The following ZNF292 variants were observed in gnomAD, a reference collection of about 807,000 sequenced individuals.
ZNF292 encodes the protein 16 zinc-finger domain protein.
Under a neutral mutation model 217.9 loss-of-function variants are expected in ZNF292, and 26 were observed. That is an observed-to-expected ratio of 0.12 (90% CI 0.09 to 0.17). The LOEUF (loss-of-function observed/expected upper bound fraction) is 0.17. Among genes scored for constraint, ZNF292 ranks in the 10% least tolerant of loss-of-function variants. The pLI, the probability that ZNF292 is intolerant of heterozygous loss-of-function variation, is 1.00. For missense variants in ZNF292, 2,904 were observed against 3,175.2 expected, an observed-to-expected ratio of 0.91 and a Z score of 2.05; for synonymous variants, 1,257 against 1,124.1, an observed-to-expected ratio of 1.12 and a Z score of -2.37.
chr6:87,234,713 T>A (rs970529075), intron 5 of ZNF292, among the ~76,000 whole-genome samples: 1 of 151,984 alleles, frequency 6.6e-6, no homozygotes, highest in Non-Finnish European at 1.5e-5. Context: ...AGGTAAAACA[T>A]AAGGATATGT....
Position 87,256,913 on chromosome 6 carries a change from T to C in ZNF292, c.3284T>C (p.Val1095Ala). ...GTPSVPPKAP[V>A]QKFSCQVEGC... ...CCATCAGTGCCTCCAAAAGCTCCAG[T>C]TCAGAAATTCAGCTGCCAGGTCGAG... The change falls in exon 8 of 8, where the codon GTT becomes GCT. Residue 1095 changes from valine to alanine, a missense_variant. Transcript: ENST00000369577. 1 of 1,613,824 alleles carries C rather than the reference T, an allele frequency of 6.2e-7. No individual in the cohort carries two copies. The highest frequency in any genetic ancestry group is 8.5e-7 in the Non-Finnish European group (1 of 1,179,828).
At chr6:87,242,762 A>G (rs532881161) in intron 5 of ZNF292, among the ~76,000 whole-genome samples, 4 of 152,308 alleles carry the variant, frequency 2.6e-5, no homozygotes, top group Non-Finnish European at 5.9e-5. Context: ...ATAGTACATC[A>G]TTGTAATGAG....
At chr6:87,188,638 T>C (rs1046584798) in intron 1 of ZNF292, among the ~76,000 whole-genome samples, 1 of 152,112 alleles carries the variant, frequency 6.6e-6, no homozygotes, top group Non-Finnish European at 1.5e-5. Context: ...TACAAAATGC[T>C]TATGTTGAAA....
Position 87,261,764 on chromosome 6 carries a change from T to G in ZNF292, c.8135T>G (p.Ile2712Ser). 6.2e-7 allele frequency: 1 copy of G among 1,612,642 alleles called. No homozygotes were observed. The highest frequency in any genetic ancestry group is 1.7e-5 in the Admixed American group (1 of 59,900). ...CCAGATATGTCTGTTATGAAAGATATCAGTATAGGTAAAGCCACAGGCAGA... is the reference window on the plus strand; with the variant it reads ...CCAGATATGTCTGTTATGAAAGATAGCAGTATAGGTAAAGCCACAGGCAGA... Reference protein sequence around the residue: ...NDPDMSVMKDISIGKATGRGQ... With the variant: ...NDPDMSVMKDSSIGKATGRGQ... Residue 2712 changes from isoleucine to serine, a missense_variant, in exon 8 of 8, where the codon ATC becomes AGC. Ile to Ser is a moderately radical substitution (Grantham distance 142, BLOSUM62 -2). Transcript: ENST00000369577.
chr6:87,232,618 G>T (rs531111592), intron 4 of ZNF292, among the ~76,000 whole-genome samples: 2 of 151,912 alleles, frequency 1.3e-5, no homozygotes, highest in African/African-American at 4.8e-5. Flanking sequence ...AAGCACTAGG[G>T]GATAGTCAGA....
At chr6:87,225,498 C>T (rs1316741056) in intron 4 of ZNF292, among the ~76,000 whole-genome samples, 1 of 152,068 alleles carries the variant, frequency 6.6e-6, no homozygotes, top group Non-Finnish European at 1.5e-5. Flanking sequence ...TATAGTTTCA[C>T]ATTTTACATA....
chr6:87,194,553 G>T (rs1265742968), intron 1 of ZNF292, among the ~76,000 whole-genome samples: 1 of 152,112 alleles, frequency 6.6e-6, no homozygotes, highest in East Asian at 1.9e-4. Flanking sequence ...TAAGTTTGCT[G>T]CTCTGTAGCA....
At chr6:87,208,598 T>C (rs1582421664) in intron 1 of ZNF292, among the ~76,000 whole-genome samples, 2 of 23,794 alleles carry the variant, frequency 8.4e-5, no homozygotes, top group South Asian at 2.6e-3. Context: ...TCAAAGTTGC[T>C]TTTTTTTTCC....
chr6:87,156,494 T>C (rs1035568694), intron 1 of ZNF292, among the ~76,000 whole-genome samples: 3 of 152,212 alleles, frequency 2.0e-5, no homozygotes, highest in African/African-American at 7.2e-5. Flanking sequence ...TTGAGTGTCC[T>C]TTTGGGGCGG....
At chr6:87,202,669 C>G (rs888996074) in intron 1 of ZNF292, among the ~76,000 whole-genome samples, 2 of 152,128 alleles carry the variant, frequency 1.3e-5, no homozygotes, top group African/African-American at 4.8e-5. Flanking sequence ...AGCTTTCCTT[C>G]TGTTCCTTGT....
intron 5 of ZNF292, among the ~76,000 whole-genome samples, chr6:87,236,248 T>G (rs1582471394): frequency 6.6e-6 from 1 of 152,318 alleles, no homozygotes; most frequent in East Asian, 1.9e-4. Flanking sequence ...GGAACAGACT[T>G]TGTTAGAAGG....
chr6:87,216,975 T>C (rs80029406), intron 3 of ZNF292, among the ~76,000 whole-genome samples: 67 of 152,156 alleles, frequency 4.4e-4, no homozygotes, highest in Non-Finnish European at 8.3e-4. Context: ...TTAGTAGTCT[T>C]GAAGTTTTTT....
intron 1 of ZNF292, among the ~76,000 whole-genome samples, chr6:87,184,564 A>G (rs1771579928): frequency 6.6e-6 from 1 of 150,942 alleles, no homozygotes; most frequent in Non-Finnish European, 1.5e-5. Flanking sequence ...GGCTTCTCCA[A>G]TACTAGGTCT....
intron 4 of ZNF292, among the ~76,000 whole-genome samples, chr6:87,220,377 G>T (rs1158180746): frequency 1.3e-5 from 2 of 152,104 alleles, no homozygotes; most frequent in Non-Finnish European, 2.9e-5. Context: ...CTTTGAAAAA[G>T]ATAGGATCCT....
chr6:87,184,527 T>G (rs1297175903), intron 1 of ZNF292, among the ~76,000 whole-genome samples: 1 of 150,946 alleles, frequency 6.6e-6, no homozygotes, highest in African/African-American at 2.4e-5. Context: ...CATTGTGTTG[T>G]AAGGAATACA....
At chr6:87,234,585 G>T (rs1179590586) in intron 5 of ZNF292, among the ~76,000 whole-genome samples, 1 of 151,528 alleles carries the variant, frequency 6.6e-6, no homozygotes, top group Non-Finnish European at 1.5e-5. Flanking sequence ...TTTTTTTAAA[G>T]AAAACCTATA....
At chr6:87,197,616 A>G (rs1562134509) in intron 1 of ZNF292, among the ~76,000 whole-genome samples, 1 of 150,702 alleles carries the variant, frequency 6.6e-6, no homozygotes, top group Non-Finnish European at 1.5e-5. Flanking sequence ...AGATGCCTGT[A>G]AGCCTAGCTG....
intron 1 of ZNF292, among the ~76,000 whole-genome samples, chr6:87,166,987 A>G (rs1178876334): frequency 2.0e-5 from 3 of 152,214 alleles, no homozygotes; most frequent in Non-Finnish European, 4.4e-5. Flanking sequence ...ATCCAGGTTC[A>G]AATTAAGTAT....
At position 87,188,394 on chromosome 6, in the gene ZNF292, C is replaced by A. The variant is rs543469676; in HGVS notation, c.169-27509C>A. On this transcript the variant is annotated intron_variant, in intron 1 of 7. Coordinates refer to ENST00000369577, the MANE Select transcript of ZNF292 (RefSeq NM_015021.3). ...CCCAACTGACAGATAATGTAGAAATCCCTTACTGTCTTCCTGGCCTTATAT... is the reference window on the plus strand; with the variant it reads ...CCCAACTGACAGATAATGTAGAAATACCTTACTGTCTTCCTGGCCTTATAT... Among the ~76,000 whole-genome samples, 8 of 152,228 alleles carry A rather than the reference C, an allele frequency of 5.3e-5. No homozygotes were observed. The South Asian group carries it at 1.7e-3, about 32-fold the overall frequency.
Sources: gnomAD v4.1 joint callset for allele counts (sites outside exome capture counted in the v4.1 genomes callset) on GRCh38, gnomAD v4.1.1 for gene constraint, MANE v1.5 for transcripts, NCBI Gene and HGNC (gene_info 2026-07-23, HGNC 2026-07-21) for gene names.